Variants in UNC45A observed in about 807,000 individuals in gnomAD.
UNC45A encodes the protein protein unc-45 homolog A.
A neutral mutation model predicts 103.2 loss-of-function variants in UNC45A; 78 were observed. The ratio of observed to expected loss-of-function variants is 0.76; its 90% confidence interval spans 0.63 to 0.91. The LOEUF (loss-of-function observed/expected upper bound fraction) is 0.91. Ranked by LOEUF, UNC45A falls within the 40% of genes least tolerant of loss-of-function variation. The pLI is 0.00. For synonymous variants in UNC45A, 495 were observed against 504.6 expected, an observed-to-expected ratio of 0.98 and a Z score of 0.25; for missense variants, 1,193 against 1,224.8, an observed-to-expected ratio of 0.97 and a Z score of 0.39.
chr15:90,952,945 G>T lies in UNC45A; in HGVS notation c.2320G>T (p.Glu774Ter). ...SERLRQKILK[E>*]KAVPMIEGYM... ...GCCCTGCAGGCAGAAGATCCTGAAG[G>T]AGAAGGCTGTGCCCATGATAGAAGG... The change falls in exon 18 of 20, where the codon GAG becomes TAG. Residue 774 changes from glutamate (E) to a stop codon, truncating the protein, a stop_gained. Transcript: ENST00000418476. LOFTEE classifies it high-confidence loss of function. 1 of 1,613,088 alleles carries T rather than the reference G, an allele frequency of 6.2e-7. No individual in the cohort carries two copies. The highest frequency in any genetic ancestry group is 8.5e-7 in the Non-Finnish European group (1 of 1,180,024).
Position 90,950,574 on chromosome 15 carries a change from C to T in UNC45A, c.2262C>T (p.Leu754=). 1 of 1,614,172 alleles carries T rather than the reference C, an allele frequency of 6.2e-7. No individual in the cohort carries two copies. Among genetic ancestry groups the T allele is most frequent in the South Asian group, 1.1e-5 (1 of 91,082 alleles). Reference sequence around the variant, plus strand: ...CAGGCCTGCAGAACTTCGAGGCGCTCATGGCCCTAACAAACCTGGCTGGGA... The same window carrying T: ...CAGGCCTGCAGAACTTCGAGGCGCTTATGGCCCTAACAAACCTGGCTGGGA... The part of the protein sequence containing the change: ...NCSGLQNFEA[L]MALTNLAGIS... Residue 754 remains leucine, a synonymous_variant, in exon 17 of 20, where the codon CTC becomes CTT. Coordinates refer to ENST00000418476, the MANE Select transcript of UNC45A (RefSeq NM_018671.5).
rs531574150 is a variant in UNC45A, at chr15:90,946,050, C to T, written c.1200-564C>T. Reference sequence around the variant, plus strand: ...GGGTGATCACCTTAGGTCAGGAGTTCGAGACCAGCCTGGCCAACATGGTGA... The same window carrying T: ...GGGTGATCACCTTAGGTCAGGAGTTTGAGACCAGCCTGGCCAACATGGTGA... On this transcript the variant is annotated intron_variant, in intron 9 of 19. Coordinates refer to ENST00000418476, the MANE Select transcript of UNC45A (RefSeq NM_018671.5). 1.0e-4 allele frequency among the ~76,000 whole-genome samples: 15 copies of T among 148,436 alleles called. No homozygotes were observed. The South Asian group carries it at 1.9e-3, about 19-fold the overall frequency.
Position 90,944,823 on chromosome 15 carries a change from G to A in UNC45A, c.1028-69G>A, listed in dbSNP as rs1464461459. 4.6e-6 allele frequency: 7 copies of A among 1,538,338 alleles called. No individual in the cohort carries two copies. The East Asian group carries it at 1.1e-4, about 25-fold the overall frequency. Reference sequence around the variant, plus strand: ...TCTTGCTTTTCTCCACATCTCCTAGGAAGCCTGTTTCTTTTACTTGTAGGG... The same window carrying A: ...TCTTGCTTTTCTCCACATCTCCTAGAAAGCCTGTTTCTTTTACTTGTAGGG... On this transcript the variant is annotated intron_variant, in intron 8 of 19. Coordinates refer to ENST00000418476, the MANE Select transcript of UNC45A (RefSeq NM_018671.5).
intron 7 of UNC45A, 21 bp from the exon 8 acceptor site, chr15:90,942,891 A>T (rs769158362): frequency 2.1e-5 from 34 of 1,590,174 alleles, no homozygotes; most frequent in Non-Finnish European, 2.9e-5. Context: ...GAGCCCACTG[A>T]TGTCTTCTTG....
intron 17 of UNC45A, chr15:90,952,173 ACT>A (rs1418692059): frequency 6.6e-6 from 1 of 152,194 alleles, no homozygotes; most frequent in Non-Finnish European, 1.5e-5. Context: ...AGATGTAGAA[ACT>A]CTGATGATGC....
intron 8 of UNC45A, among the ~76,000 whole-genome samples, chr15:90,943,774 C>T (rs970123413): frequency 6.6e-6 from 1 of 151,804 alleles, no homozygotes; most frequent in Admixed American, 6.6e-5. Context: ...CTGCAGCCTC[C>T]GTTTCCCGGG....
At chr15:90,932,482 CGG>C, upstream of UNC45A, 1 of 1,308,304 alleles carries the variant, frequency 7.6e-7, no homozygotes, top group South Asian at 2.4e-5. Flanking sequence ...CCGCTGCTGC[CGG>C]TGCTTGCGAG....
chr15:90,935,847 G>A lies in UNC45A; in HGVS notation c.214-99G>A, dbSNP rs1051550291. The A allele has an allele frequency of 3.2e-6, 5 of 1,585,958 alleles. No homozygotes were observed. In the African/African-American group the frequency reaches 6.7e-5, roughly 21 times the overall value. Reference sequence around the variant, plus strand: ...GTTTTTTGCACCTCAGGGTGGTGGGGGATCGGGTGACCTTGGAGAGCGAGA... The same window carrying A: ...GTTTTTTGCACCTCAGGGTGGTGGGAGATCGGGTGACCTTGGAGAGCGAGA... On this transcript the variant is annotated intron_variant, in intron 2 of 19. Transcript: ENST00000418476.
upstream of UNC45A, chr15:90,930,750 C>G (rs2035761467): frequency 6.0e-6 from 1 of 165,646 alleles, no homozygotes; most frequent in African/African-American, 2.4e-5. Context: ...ACGTCACAGT[C>G]TAACCTGATA....
chr15:90,935,272 C>T (rs1478278909), upstream of UNC45A: 5 of 1,546,686 alleles, frequency 3.2e-6, no homozygotes, highest in Admixed American at 1.9e-5. Flanking sequence ...CGAACCCAGA[C>T]TCGCCCCGCC....
chr15:90,945,845 C>T (rs143055073), intron 9 of UNC45A, among the ~76,000 whole-genome samples: 3 of 149,170 alleles, frequency 2.0e-5, no homozygotes, highest in African/African-American at 7.3e-5. Context: ...GTTGGCCAGG[C>T]TGGTCTCGAA....
intron 6 of UNC45A, 98 bp downstream of exon 6, chr15:90,940,571 G>GTCAA: frequency 6.9e-7 from 1 of 1,456,870 alleles, no homozygotes; most frequent in South Asian, 1.3e-5. Context: ...CCATCTGCCC[G>GTCAA]TCCATCCATC....
At chr15:90,934,150 C>T (rs1306952304), upstream of UNC45A, 2 of 399,200 alleles carry the variant, frequency 5.0e-6, no homozygotes, top group East Asian at 3.6e-5. Flanking sequence ...TCAGGTACAG[C>T]ACTTACCCCT....
At chr15:90,940,195 T>C in intron 5 of UNC45A, 111 bp from the exon 6 acceptor site, 1 of 1,259,756 alleles carries the variant, frequency 7.9e-7, no homozygotes, top group South Asian at 1.5e-5. Flanking sequence ...CCGTGGTCAC[T>C]CAACTGTGAA....
intron 9 of UNC45A, 53 bp downstream of exon 9, chr15:90,945,116 T>G (rs918596006): frequency 6.3e-7 from 1 of 1,599,090 alleles, no homozygotes; most frequent in Admixed American, 1.7e-5. Context: ...GAAAAAGTTC[T>G]GACTCCTTGA....
rs1197173296 is a variant in UNC45A, at chr15:90,944,921, TCTCTACAGGACC to T, written c.1061_1072del (p.Leu354_Pro357del). The T allele has an allele frequency of 6.2e-7, 1 of 1,612,206 alleles. No homozygotes were observed. The highest frequency in any genetic ancestry group is 8.5e-7 in the Non-Finnish European group (1 of 1,179,936). ...GAAAAAGATTTTGGAAGTGGGGGGC[TCTCTACAGGACC>T]CTCCTGGGGAGCTCGCAGTGACCGC... On this transcript the variant is annotated inframe_deletion, in exon 9 of 20. Transcript: ENST00000418476.
Position 90,953,509 on chromosome 15 carries a change from G to C in UNC45A, c.2628G>C (p.Gln876His). Residue 876 changes from glutamine (Q) to histidine (H), a missense_variant, in exon 20 of 20, where the codon CAG (glutamine) becomes CAC (histidine). Transcript: ENST00000418476. The part of the protein sequence containing the change: ...ILQALLLSSN[Q>H]ELQHRGAVVV... Reference sequence around the variant, plus strand: ...AGGCCCTGCTTCTGAGCTCCAACCAGGAGCTGCAGCACCGGGGTGCTGTGG... The same window carrying C: ...AGGCCCTGCTTCTGAGCTCCAACCACGAGCTGCAGCACCGGGGTGCTGTGG... 6.2e-7 allele frequency: 1 copy of C among 1,614,144 alleles called. No individual in the cohort carries two copies. Among genetic ancestry groups the C allele is most frequent in the Non-Finnish European group, 8.5e-7 (1 of 1,180,054 alleles).
intron 8 of UNC45A, among the ~76,000 whole-genome samples, chr15:90,944,257 T>C (rs1596226312): frequency 6.6e-6 from 1 of 152,000 alleles, no homozygotes; most frequent in African/African-American, 2.4e-5. Context: ...CATGCTGGCA[T>C]GCACCTGTAA....
At chr15:90,931,907 G>A, upstream of UNC45A, 1 of 1,614,052 alleles carries the variant, frequency 6.2e-7, no homozygotes, top group Non-Finnish European at 8.5e-7. Context: ...ATCCAGGGTG[G>A]TGTCTGTGTC....
Sources: gnomAD v4.1 joint callset for allele counts (sites outside exome capture counted in the v4.1 genomes callset) on GRCh38, gnomAD v4.1.1 for gene constraint, MANE v1.5 for transcripts, NCBI Gene and HGNC (gene_info 2026-07-23, HGNC 2026-07-21) for gene names.